SLC24A2: variants seen among roughly 807,000 people sequenced by gnomAD.
The protein encoded by SLC24A2 is sodium/potassium/calcium exchanger 2.
In SLC24A2, 36 loss-of-function variants were observed where a neutral mutation model predicts 62.0. The observed-to-expected ratio is 0.58, with a 90% CI of 0.44 to 0.77. SLC24A2 has a LOEUF of 0.77. Ranked by LOEUF, SLC24A2 falls within the 30% of genes least tolerant of loss-of-function variation. The probability of loss-of-function intolerance (pLI) is 0.00; values close to 1 mark genes in which losing one functional copy is unlikely to be tolerated. For missense variants in SLC24A2, 846 were observed against 817.9 expected (o/e 1.03, Z -0.42); for synonymous variants, 358 against 294.0 (o/e 1.22, Z -2.23).
the SLC24A2 span, among the ~76,000 whole-genome samples, chr9:20,105,992 G>A: frequency 2.8e-4 from 42 of 151,926 alleles, no homozygotes; most frequent in African/African-American, 8.5e-4. Context: ...TCAAATAGAC[G>A]CAATAAAAAA....
At chr9:19,720,862 T>TGG (rs1450021791) in intron 2 of SLC24A2, among the ~76,000 whole-genome samples, 1 of 127,620 alleles carries the variant, frequency 7.8e-6, no homozygotes, top group African/African-American at 2.5e-5. Context: ...TGTGTGTGTG[T>TGG]GTGTGTGTGT....
upstream of SLC24A2, among the ~76,000 whole-genome samples, chr9:19,792,190 A>G (rs1823326754): frequency 6.6e-6 from 1 of 152,208 alleles, no homozygotes. Context: ...CATCTGAAAT[A>G]ACATCCCCAG....
chr9:20,136,646 C>A, the SLC24A2 span, among the ~76,000 whole-genome samples: 2 of 152,012 alleles, frequency 1.3e-5, no homozygotes, highest in African/African-American at 4.8e-5. Context: ...ACAAATTGAC[C>A]ACAAATTATT....
At chr9:20,295,199 T>C in the SLC24A2 span, among the ~76,000 whole-genome samples, 1 of 152,246 alleles carries the variant, frequency 6.6e-6, no homozygotes, top group African/African-American at 2.4e-5. Context: ...CTAAAATCCC[T>C]AATCTCTAAA....
At chr9:19,538,230 C>G (rs1303654975) in intron 8 of SLC24A2, among the ~76,000 whole-genome samples, 4 of 125,168 alleles carry the variant, frequency 3.2e-5, no homozygotes, top group African/African-American at 1.3e-4. Flanking sequence ...GCCAGAACTT[C>G]CAACACTATG....
chr9:19,568,633 TCA>T (rs1363035567), intron 7 of SLC24A2, among the ~76,000 whole-genome samples: 1 of 152,214 alleles, frequency 6.6e-6, no homozygotes, highest in Non-Finnish European at 1.5e-5. Context: ...TTTTCCAGGG[TCA>T]CACAGCTGGT....
intron 2 of SLC24A2, among the ~76,000 whole-genome samples, chr9:19,727,162 A>C (rs1487736051): frequency 1.3e-5 from 2 of 152,216 alleles, no homozygotes; most frequent in Non-Finnish European, 2.9e-5. Context: ...TCTTCCTATC[A>C]AGCAAATCTG....
At chr9:19,648,317 A>G (rs1164657051) in intron 2 of SLC24A2, among the ~76,000 whole-genome samples, 2 of 152,220 alleles carry the variant, frequency 1.3e-5, no homozygotes, top group East Asian at 3.8e-4. Context: ...CAGTTCAAAA[A>G]GTCAGATTAA....
chr9:19,729,905 AGAT>A (rs1821285937), intron 2 of SLC24A2, among the ~76,000 whole-genome samples: 1 of 152,160 alleles, frequency 6.6e-6, no homozygotes, highest in African/African-American at 2.4e-5. Flanking sequence ...TACATGTTTG[AGAT>A]GATGGATATG....
At chr9:20,302,834 A>T in the SLC24A2 span, among the ~76,000 whole-genome samples, 1 of 152,218 alleles carries the variant, frequency 6.6e-6, no homozygotes, top group African/African-American at 2.4e-5. Flanking sequence ...GGCTGAACCA[A>T]CATTAATATA....
chr9:20,145,039 T>TGTTGC, the SLC24A2 span, among the ~76,000 whole-genome samples: 1 of 152,162 alleles, frequency 6.6e-6, no homozygotes, highest in Non-Finnish European at 1.5e-5. Context: ...CAGCAACTAC[T>TGTTGC]TATCAAGTAA....
the SLC24A2 span, among the ~76,000 whole-genome samples, chr9:19,911,062 C>T: frequency 1.0e-5 from 1 of 98,728 alleles, no homozygotes; most frequent in Non-Finnish European, 1.8e-5. Context: ...AGCTATCCCT[C>T]CCCCCTCCCC....
intron 2 of SLC24A2, among the ~76,000 whole-genome samples, chr9:19,728,433 C>T (rs935688368): frequency 5.9e-5 from 9 of 152,036 alleles, no homozygotes; most frequent in East Asian, 1.9e-4. Flanking sequence ...TTTAATATAC[C>T]GAGTATTAGC....
the SLC24A2 span, among the ~76,000 whole-genome samples, chr9:20,169,080 AAG>A: frequency 6.6e-6 from 1 of 152,072 alleles, no homozygotes; most frequent in Non-Finnish European, 1.5e-5. Context: ...AATATAGTAT[AAG>A]TGAAATAAGC....
the SLC24A2 span, among the ~76,000 whole-genome samples, chr9:19,911,145 C>T: frequency 6.8e-6 from 1 of 146,418 alleles, no homozygotes; most frequent in South Asian, 2.2e-4. Flanking sequence ...TCAATTCCCA[C>T]CTATGAGTGA....
chr9:19,580,079 C>T (rs1836157085), intron 5 of SLC24A2, among the ~76,000 whole-genome samples: 1 of 152,204 alleles, frequency 6.6e-6, no homozygotes, highest in Admixed American at 6.5e-5. Context: ...TGCTATTGAA[C>T]AGTAAGAGGG....
At chr9:20,052,586 C>A in the SLC24A2 span, among the ~76,000 whole-genome samples, 1 of 152,156 alleles carries the variant, frequency 6.6e-6, no homozygotes, top group African/African-American at 2.4e-5. Context: ...GATAGAGCCT[C>A]ATTCTCTCCT....
chr9:20,113,595 A>G, the SLC24A2 span, among the ~76,000 whole-genome samples: 1 of 152,186 alleles, frequency 6.6e-6, no homozygotes, highest in Non-Finnish European at 1.5e-5. Context: ...TATATTGGTT[A>G]TAAAAATTTG....
At chr9:19,564,530 ATC>A (rs926980788) in intron 7 of SLC24A2, among the ~76,000 whole-genome samples, 7 of 109,372 alleles carry the variant, frequency 6.4e-5, no homozygotes, top group African/African-American at 2.0e-4. Context: ...CTACCTACCT[ATC>A]TCTCTCTGTA....
Sources: gnomAD v4.1 joint callset for allele counts (sites outside exome capture counted in the v4.1 genomes callset) on GRCh38, gnomAD v4.1.1 for gene constraint, MANE v1.5 for transcripts, NCBI Gene and HGNC (gene_info 2026-07-23, HGNC 2026-07-21) for gene names.